Variants in HEBP1 observed in about 807,000 individuals in gnomAD.
HEBP1 encodes the protein heme-binding protein 1.
HEBP1 carries 13 observed loss-of-function variants against 20.4 expected under a neutral mutation model. The observed-to-expected ratio is 0.64, with a 90% CI of 0.42 to 1.01. The LOEUF (loss-of-function observed/expected upper bound fraction) is 1.01. Ranked by LOEUF, HEBP1 falls within the 50% of genes least tolerant of loss-of-function variation. HEBP1 has a pLI of 0.00. For missense variants in HEBP1, 241 were observed against 247.3 expected (o/e 0.97, Z 0.17); for synonymous variants, 92 against 90.7 (o/e 1.01, Z -0.08).
At position 12,981,253 on chromosome 12, in the gene HEBP1, C is replaced by T. The variant is rs117625279; in HGVS notation, c.399-5774G>A. Among the ~76,000 whole-genome samples the T allele has an allele frequency of 9.9e-4, 151 of 152,186 alleles. 1 individual carries two copies. Among genetic ancestry groups the T allele is most frequent in the Middle Eastern group, 6.8e-3 (2 of 294 alleles). ...GAACACAGAAAGGGATCTGATTTTG[C>T]GTGGAAATCTGCGTTGTGTTTTGGA... On this transcript the variant is annotated intron_variant, in intron 3 of 3. Transcript: ENST00000014930.
chr12:12,975,418 C>T lies in HEBP1; in HGVS notation c.460G>A (p.Ala154Thr), dbSNP rs766006818. ...YVAQATRLRA[A>T]LEGTATYRGD... ...CGGTAGGTGGCTGTGCCCTCCAGGG[C>T]AGCACGCAGACGGGTGGCTTGTGCT... Residue 154 changes from alanine to threonine, a missense_variant, in exon 4 of 4, where the codon GCC becomes ACC. By Grantham distance (58) the Ala-to-Thr change is moderately conservative (BLOSUM62 0). Coordinates refer to ENST00000014930, the MANE Select transcript of HEBP1 (RefSeq NM_015987.5). The T allele has an allele frequency of 6.2e-7, 1 of 1,613,082 alleles. No individual in the cohort carries two copies. Among genetic ancestry groups the T allele is most frequent in the Non-Finnish European group, 8.5e-7 (1 of 1,179,580 alleles).
intron 1 of HEBP1, among the ~76,000 whole-genome samples, chr12:12,993,338 C>A (rs367864047): frequency 9.3e-4 from 141 of 152,180 alleles, no homozygotes; most frequent in African/African-American, 3.2e-3. Context: ...CCATGCCCAG[C>A]TAATTTTTTT....
Position 12,986,209 on chromosome 12 carries a change from G to C in HEBP1, c.398+943C>G, listed in dbSNP as rs1457628113. On this transcript the variant is annotated intron_variant, in intron 3 of 3. Transcript: ENST00000014930. The surrounding 1 kb of genome is among the most constrained non-coding windows in gnomAD (Gnocchi z 4.3). ...GCTGCATTACATTCACTGTCCTCTGGAGGGCCCTGCAGTCACCTGGCCTAG... is the reference window on the plus strand; with the variant it reads ...GCTGCATTACATTCACTGTCCTCTGCAGGGCCCTGCAGTCACCTGGCCTAG... 1 of 152,230 alleles carries C rather than the reference G, an allele frequency of 6.6e-6. No individual in the cohort carries two copies. The highest frequency in any genetic ancestry group is 1.5e-5 in the Non-Finnish European group (1 of 68,066). 9.4% of individuals were successfully genotyped at this position (152,230 alleles called of 1,614,324 possible).
intron 3 of HEBP1, among the ~76,000 whole-genome samples, chr12:12,981,681 G>A (rs989690457): frequency 3.9e-5 from 6 of 152,118 alleles, no homozygotes; most frequent in African/African-American, 7.2e-5. Context: ...ACCTCATGAC[G>A]TCCATTTTAC....
chr12:12,987,612 TTC>T (rs71064360), intron 2 of HEBP1, among the ~76,000 whole-genome samples: 5 of 117,814 alleles, frequency 4.2e-5, no homozygotes, highest in African/African-American at 9.2e-5. Context: ...CTCTCTCTCT[TTC>T]TCTCTCTCTC....
intron 3 of HEBP1, 73 bp downstream of exon 3, chr12:12,987,079 T>C (rs1376372722): frequency 2.4e-6 from 3 of 1,263,516 alleles, no homozygotes. Flanking sequence ...CGCGAATGCT[T>C]GCCAGAGGTG....
rs958028816 is a variant in HEBP1, at chr12:12,975,253, C to A, written c.*55G>T. On this transcript the variant is annotated 3_prime_UTR_variant, in exon 4 of 4. Coordinates refer to ENST00000014930, the MANE Select transcript of HEBP1 (RefSeq NM_015987.5). ...GGAAGCACTGTCCCCTCCTTACCCC[C>A]GAGGAAGGAGACACAGAGGCACACT... 1 of 1,548,052 alleles carries A rather than the reference C, an allele frequency of 6.5e-7. No individual in the cohort carries two copies. Among genetic ancestry groups the A allele is most frequent in the Admixed American group, 1.7e-5 (1 of 58,242 alleles).
rs1448097465 is a variant in HEBP1, at chr12:13,000,227, C to CGGCAGGGT, written c.-121_-114dup. ...GCGGCAGGGCGGCAGGGCGGCAGGG[C>CGGCAGGGT]GGCAGGGTGGCAGGGCGGCAAGGCG... On this transcript the variant is annotated 5_prime_UTR_variant, in exon 1 of 4. Transcript: ENST00000014930. 15 of 392,546 alleles carry CGGCAGGGT rather than the reference C, an allele frequency of 3.8e-5. No individual in the cohort carries two copies. Among genetic ancestry groups the CGGCAGGGT allele is most frequent in the Non-Finnish European group, 5.0e-5 (11 of 220,806 alleles). The allele number at this position is 392,546 out of a possible 1,614,324, so 24.3% of individuals were successfully genotyped here.
rs1055899540 is a variant in HEBP1 at position 12,987,031 on chromosome 12, T to C, written c.398+121A>G. 6.5e-6 allele frequency: 5 copies of C among 764,754 alleles called. No individual in the cohort carries two copies. In the Admixed American group the frequency reaches 9.5e-5, roughly 14 times the overall value. The allele number at this position is 764,754 out of a possible 1,614,324, so 47.4% of individuals were successfully genotyped here. A position where few individuals can be genotyped will look rare whatever the true frequency, so the allele number is the denominator to read the frequency against. ...ATGAGAAACTGTTAGGATTCAGCAT[T>C]TCCTACTTAAATTAATTCAGCAACC... On this transcript the variant is annotated intron_variant, in intron 3 of 3. Coordinates refer to ENST00000014930, the MANE Select transcript of HEBP1 (RefSeq NM_015987.5).
At chr12:12,982,382 C>A (rs1374069014) in intron 3 of HEBP1, among the ~76,000 whole-genome samples, 1 of 152,162 alleles carries the variant, frequency 6.6e-6, no homozygotes, top group Non-Finnish European at 1.5e-5. Context: ...AGACTGAAAA[C>A]CCTTGGTCCC....
At chr12:12,992,126 G>T (rs1168968858) in intron 1 of HEBP1, among the ~76,000 whole-genome samples, 1 of 152,214 alleles carries the variant, frequency 6.6e-6, no homozygotes, top group Non-Finnish European at 1.5e-5. Context: ...GTGACTCCCA[G>T]GGGGACAGAA....
At chr12:12,978,336 G>A (rs929643053) in intron 3 of HEBP1, among the ~76,000 whole-genome samples, 9 of 147,736 alleles carry the variant, frequency 6.1e-5, no homozygotes, top group East Asian at 6.0e-4. Context: ...TTAGCTTCCC[G>A]AGTAGCTGGG....
At chr12:12,982,779 A>G (rs537658205) in intron 3 of HEBP1, among the ~76,000 whole-genome samples, 2 of 152,350 alleles carry the variant, frequency 1.3e-5, no homozygotes, top group South Asian at 2.1e-4. Flanking sequence ...ACCCAAGTGT[A>G]TCTGCAGTAA....
intron 3 of HEBP1, chr12:12,984,289 G>A (rs1160486080): frequency 1.3e-5 from 2 of 154,210 alleles, no homozygotes; most frequent in Non-Finnish European, 2.9e-5. Flanking sequence ...GAACATTATC[G>A]TTTTATGGCC....
rs969476157 is a variant in HEBP1 at position 12,989,302 on chromosome 12, C to G, written c.192G>C (p.Lys64Asn). ...ALREAMPKVA[K>N]YAGGTNDKGI... ...CCTTGTCATTGGTGCCCCCCGCATACTTTGCGACCTTGGGCATTGCTTCCC... is the reference window on the plus strand; with the variant it reads ...CCTTGTCATTGGTGCCCCCCGCATAGTTTGCGACCTTGGGCATTGCTTCCC... The change falls in exon 2 of 4, where the codon AAG becomes AAC. Residue 64 changes from lysine (K) to asparagine (N), a missense_variant. Physicochemically the swap from Lys to Asn is moderately conservative, Grantham distance 94 (BLOSUM62 0). Transcript: ENST00000014930. The G allele has an allele frequency of 8.1e-6, 13 of 1,614,094 alleles. 1 individual carries two copies. The East Asian group carries it at 2.9e-4, about 36-fold the overall frequency.
At position 12,986,929 on chromosome 12, in the gene HEBP1, A is replaced by T; in HGVS notation, c.398+223T>A. The T allele has an allele frequency of 1.9e-6, 1 of 520,166 alleles. No homozygotes were observed. The highest frequency in any genetic ancestry group is 3.4e-6 in the Non-Finnish European group (1 of 292,060). 32.2% of individuals were successfully genotyped at this position (520,166 alleles called of 1,614,324 possible). ...CTTAAGCAAAGCTTAAGCTCGTCCC[A>T]TCAATTTGGCAACTGGCCAAGGCAT... On this transcript the variant is annotated intron_variant, in intron 3 of 3. Coordinates refer to ENST00000014930, the MANE Select transcript of HEBP1 (RefSeq NM_015987.5). This position sits in a 1 kb window ranked among gnomAD's most constrained non-coding sequence, Gnocchi z 4.3.
At chr12:12,978,199 GTTTTTTTTTTTTTTTTT>G (rs76634642) in intron 3 of HEBP1, among the ~76,000 whole-genome samples, 16 of 75,058 alleles carry the variant, frequency 2.1e-4, no homozygotes, top group Non-Finnish European at 3.2e-4. Flanking sequence ...CTACGAAAGG[GTTTTTTTTTTTTTTTTT>G]TTTTTTTTTT....
intron 1 of HEBP1, among the ~76,000 whole-genome samples, chr12:12,999,782 T>G (rs771469849): frequency 2.0e-5 from 3 of 152,216 alleles, no homozygotes; most frequent in African/African-American, 7.2e-5. Context: ...ACTCCCCAAG[T>G]TGGGATTCTC....
chr12:12,977,983 C>T (rs1864016237), intron 3 of HEBP1, among the ~76,000 whole-genome samples: 2 of 152,146 alleles, frequency 1.3e-5, no homozygotes, highest in Admixed American at 6.5e-5. Context: ...GTGATGTCTT[C>T]AGCCTGACAG....
Sources: gnomAD v4.1 joint callset for allele counts (sites outside exome capture counted in the v4.1 genomes callset) on GRCh38, gnomAD v4.1.1 for gene constraint, Gnocchi (gnomAD v3.1) non-coding constraint, MANE v1.5 for transcripts, NCBI Gene and HGNC (gene_info 2026-07-23, HGNC 2026-07-21) for gene names.